UBE2Q2: variants seen among roughly 807,000 people sequenced by gnomAD.
UBE2Q2 encodes the protein ubiquitin conjugating enzyme E2 Q2.
UBE2Q2 carries 54 observed loss-of-function variants against 59.9 expected under a neutral mutation model. That is an observed-to-expected ratio of 0.90 (90% CI 0.72 to 1.13). The LOEUF (loss-of-function observed/expected upper bound fraction) is 1.13, where lower values mean the gene tolerates loss of function less well. Among genes scored for constraint, UBE2Q2 ranks in the 50% most tolerant of loss-of-function variants. UBE2Q2 has a pLI of 0.00. For missense variants in UBE2Q2, 433 were observed against 441.9 expected (o/e 0.98, Z 0.18); for synonymous variants, 165 against 155.2 (o/e 1.06, Z -0.47).
chr15:75,844,399 T>G, intron 1 of UBE2Q2: 1 of 1,551,566 alleles, frequency 6.4e-7, no homozygotes, highest in South Asian at 1.2e-5. Flanking sequence ...ATGCAGACTC[T>G]GGTGCTGTTT....
At chr15:75,894,855 A>G (rs561675874) in intron 11 of UBE2Q2, among the ~76,000 whole-genome samples, 2 of 152,130 alleles carry the variant, frequency 1.3e-5, no homozygotes, top group Admixed American at 1.3e-4. Flanking sequence ...GGGTATGTAT[A>G]GTTTTTACGT....
intron 4 of UBE2Q2, among the ~76,000 whole-genome samples, chr15:75,872,417 T>G (rs1343247178): frequency 1.3e-5 from 2 of 151,998 alleles, no homozygotes; most frequent in African/African-American, 4.8e-5. Context: ...AGTTAGGATT[T>G]AAATTCTGCA....
intron 3 of UBE2Q2, among the ~76,000 whole-genome samples, chr15:75,866,821 T>C (rs1212569887): frequency 6.6e-6 from 1 of 152,176 alleles, no homozygotes; most frequent in African/African-American, 2.4e-5. Context: ...TAGTAATCTG[T>C]TTTTTATTTT....
intron 2 of UBE2Q2, among the ~76,000 whole-genome samples, chr15:75,856,385 A>ATC (rs1896919783): frequency 6.6e-6 from 1 of 152,004 alleles, no homozygotes. Context: ...ATAAAAAAAT[A>ATC]AAGAATAGAC....
At chr15:75,864,336 T>C (rs1321607961) in intron 3 of UBE2Q2, among the ~76,000 whole-genome samples, 3 of 152,052 alleles carry the variant, frequency 2.0e-5, no homozygotes, top group African/African-American at 4.8e-5. Context: ...TTTGGAAATA[T>C]CTGGAGCCAT....
In UBE2Q2 at chr15:75,897,048, A is replaced by G; in HGVS notation, c.1083A>G (p.Ile361Met). 6.4e-7 allele frequency: 1 copy of G among 1,566,972 alleles called. No individual in the cohort carries two copies. Among genetic ancestry groups the G allele is most frequent in the East Asian group, 2.3e-5 (1 of 43,122 alleles). Reference protein sequence around the residue: ...AQQSYNSIVQIHEKNGWYTPP... With the variant: ...AQQSYNSIVQMHEKNGWYTPP... ...AATCCTATAATTCCATTGTACAGATACATGAGAAAAATGGTATGTTTAATT... is the reference window on the plus strand; with the variant it reads ...AATCCTATAATTCCATTGTACAGATGCATGAGAAAAATGGTATGTTTAATT... The change falls in exon 12 of 13, where the codon ATA becomes ATG. Residue 361 changes from isoleucine (I) to methionine (M), a missense_variant. Coordinates refer to ENST00000267938, the MANE Select transcript of UBE2Q2 (RefSeq NM_173469.4).
At chr15:75,844,315 C>T (rs1286172771) in intron 1 of UBE2Q2, 1 of 1,548,602 alleles carries the variant, frequency 6.5e-7, no homozygotes, top group Non-Finnish European at 8.7e-7. Context: ...GCTTGTTCAG[C>T]CAATTGTTTT....
chr15:75,856,246 C>CGTGTGTGT lies in UBE2Q2; in HGVS notation c.282+1776_282+1783dup, dbSNP rs370925975. Among the ~76,000 whole-genome samples the CGTGTGTGT allele has an allele frequency of 4.2e-3, 567 of 135,670 alleles. 7 individuals carry two copies. Among genetic ancestry groups the CGTGTGTGT allele is most frequent in the African/African-American group, 0.014 (487 of 34,386 alleles). The allele number at this position is 135,670 out of a possible 152,430, so 89.0% of individuals were successfully genotyped here. A position where few individuals can be genotyped will look rare whatever the true frequency, so the allele number is the denominator to read the frequency against. On this transcript the variant is annotated intron_variant, in intron 2 of 12. Transcript: ENST00000267938. ...ACATGTATGTGTATATGTGTATATA[C>CGTGTGTGT]GTGTGTGTGTGTGTGTGTGTGTGTA... is the stretch of plus-strand genomic sequence containing the variant.
At chr15:75,870,096 G>T (rs945189143) in intron 4 of UBE2Q2, among the ~76,000 whole-genome samples, 2 of 152,152 alleles carry the variant, frequency 1.3e-5, no homozygotes, top group Non-Finnish European at 2.9e-5. Flanking sequence ...TTGAGACAGG[G>T]TCTCACTGTG....
rs1898897124 is a variant in UBE2Q2, at chr15:75,888,240, A to G, written c.885-2195A>G. On this transcript the variant is annotated intron_variant, in intron 9 of 12. Transcript: ENST00000267938. Reference sequence around the variant, plus strand: ...AGAAACCCCGTACTGATTAGCAGTCACTCCCTGTACCCGTTTCCCCCACCA... The same window carrying G: ...AGAAACCCCGTACTGATTAGCAGTCGCTCCCTGTACCCGTTTCCCCCACCA... Among the ~76,000 whole-genome samples, 3 of 152,048 alleles carry G rather than the reference A, an allele frequency of 2.0e-5. No individual in the cohort carries two copies. In the South Asian group the frequency reaches 6.2e-4, roughly 32 times the overall value.
intron 12 of UBE2Q2, among the ~76,000 whole-genome samples, chr15:75,897,366 G>A (rs1330404405): frequency 2.0e-5 from 3 of 152,002 alleles, no homozygotes; most frequent in Non-Finnish European, 4.4e-5. Context: ...AGCCTCCCGA[G>A]TAGCTGGGAC....
chr15:75,894,075 A>G (rs1226786515), intron 11 of UBE2Q2, among the ~76,000 whole-genome samples: 2 of 152,256 alleles, frequency 1.3e-5, no homozygotes, highest in Admixed American at 1.3e-4. Context: ...GGAATTGTAT[A>G]ACTCATGCAA....
Position 75,899,418 on chromosome 15 carries a change from C to A in UBE2Q2, c.1097-9C>A, listed in dbSNP as rs1335003759. The A allele has an allele frequency of 1.3e-6, 2 of 1,535,920 alleles. No individual in the cohort carries two copies. Among genetic ancestry groups the A allele is most frequent in the East Asian group, 2.4e-5 (1 of 41,016 alleles). On this transcript the variant is annotated splice_polypyrimidine_tract_variant and intron_variant, in intron 12 of 12. Coordinates refer to ENST00000267938, the MANE Select transcript of UBE2Q2 (RefSeq NM_173469.4). ...TTATTTTAACTTTTTTTTTTTCATT[C>A]TATTTCAGGCTGGTACACCCCTCCA...
At chr15:75,876,550 G>T (rs916752835) in intron 6 of UBE2Q2, among the ~76,000 whole-genome samples, 1 of 152,054 alleles carries the variant, frequency 6.6e-6, no homozygotes, top group African/African-American at 2.4e-5. Flanking sequence ...TTTATCTTCT[G>T]GGGAAAGCAT....
chr15:75,880,148 T>C (rs1224491533), intron 8 of UBE2Q2, among the ~76,000 whole-genome samples: 1 of 152,224 alleles, frequency 6.6e-6, no homozygotes, highest in Non-Finnish European at 1.5e-5. Context: ...AGTCTTGCTC[T>C]GTTGCCCAGG....
At chr15:75,893,401 A>G (rs1899214522) in intron 11 of UBE2Q2, among the ~76,000 whole-genome samples, 1 of 152,200 alleles carries the variant, frequency 6.6e-6, no homozygotes, top group Non-Finnish European at 1.5e-5. Context: ...GGATATAGCA[A>G]TTTTTGTATT....
intron 8 of UBE2Q2, among the ~76,000 whole-genome samples, chr15:75,880,750 T>C (rs1262013063): frequency 6.6e-6 from 1 of 152,102 alleles, no homozygotes; most frequent in Non-Finnish European, 1.5e-5. Context: ...ACACTTCCCT[T>C]GGCCTTCCAA....
Position 75,843,770 on chromosome 15 carries a change from A to T in UBE2Q2, c.104A>T (p.His35Leu). ...GTCAGTTGGAAGCTGGACGAGCTGC[A>T]CTGCCAGTTCCTGGTGCCGCAGCAG... ...RIVSWKLDEL[H>L]CQFLVPQQGS... The change falls in exon 1 of 13, where the codon CAC becomes CTC. Residue 35 changes from histidine to leucine, a missense_variant. Physicochemically the swap from His to Leu is moderately conservative, Grantham distance 99 (BLOSUM62 -3). Coordinates refer to ENST00000267938, the MANE Select transcript of UBE2Q2 (RefSeq NM_173469.4). 1 of 1,610,272 alleles carries T rather than the reference A, an allele frequency of 6.2e-7. No homozygotes were observed. Among genetic ancestry groups the T allele is most frequent in the Non-Finnish European group, 8.5e-7 (1 of 1,178,796 alleles).
intron 1 of UBE2Q2, among the ~76,000 whole-genome samples, chr15:75,851,053 C>T (rs1226382127): frequency 2.0e-5 from 3 of 151,850 alleles, no homozygotes; most frequent in Non-Finnish European, 4.4e-5. Context: ...ATAATGTAAA[C>T]AAAATCCAAC....
Sources: gnomAD v4.1 joint callset for allele counts (sites outside exome capture counted in the v4.1 genomes callset) on GRCh38, gnomAD v4.1.1 for gene constraint, MANE v1.5 for transcripts, NCBI Gene and HGNC (gene_info 2026-07-23, HGNC 2026-07-21) for gene names.